The following KCTD10 variants were observed in gnomAD, a reference collection of about 807,000 sequenced individuals.
KCTD10 encodes potassium channel tetramerization domain containing 10.
In KCTD10, 13 loss-of-function variants were observed where a neutral mutation model predicts 34.6. That is an observed-to-expected ratio of 0.38 (90% CI 0.24 to 0.60). The LOEUF is 0.60. Ranked by LOEUF, KCTD10 falls within the 20% of genes least tolerant of loss-of-function variation. KCTD10 has a pLI of 0.66. For synonymous variants in KCTD10, 156 were observed against 168.8 expected, an observed-to-expected ratio of 0.92 and a Z score of 0.59; for missense variants, 256 against 420.3, an observed-to-expected ratio of 0.61 and a Z score of 3.42.
At chr12:109,471,968 C>T (rs1873912130) in intron 1 of KCTD10, among the ~76,000 whole-genome samples, 1 of 152,116 alleles carries the variant, frequency 6.6e-6, no homozygotes, top group African/African-American at 2.4e-5. Flanking sequence ...GTATAGGACA[C>T]TTACCATGAA....
chr12:109,471,194 G>C (rs1456568054), intron 1 of KCTD10: 7 of 985,286 alleles, frequency 7.1e-6, no homozygotes, highest in Non-Finnish European at 8.4e-6. Context: ...AACTATAACT[G>C]GTAAAACACA....
At position 109,463,952 on chromosome 12, in the gene KCTD10, C is replaced by G. The variant is rs1481020190; in HGVS notation, c.218-3147G>C. Among the ~76,000 whole-genome samples the G allele has an allele frequency of 2.0e-5, 3 of 152,164 alleles. No homozygotes were observed. The South Asian group carries it at 6.2e-4, about 32-fold the overall frequency. The stretch of plus-strand genomic sequence containing the variant: ...GTCCAGAGGCAGCAAGTTCCAGCCC[C>G]CAGGATGGAGTTGGTGTTGCTTTCA... On this transcript the variant is annotated intron_variant, in intron 2 of 6. Transcript: ENST00000228495.
In KCTD10 at chr12:109,477,293, C is replaced by A. The variant is rs765172123; in HGVS notation, c.-31G>T. The A allele has an allele frequency of 2.5e-6, 4 of 1,613,630 alleles. No homozygotes were observed. In the African/African-American group the frequency reaches 4.0e-5, roughly 16 times the overall value. On this transcript the variant is annotated 5_prime_UTR_variant, in exon 1 of 7. Coordinates refer to ENST00000228495, the MANE Select transcript of KCTD10 (RefSeq NM_031954.5). The stretch of plus-strand genomic sequence containing the variant: ...GTCGGAGGACGCAGGAGTCTCCAAA[C>A]CCGGACTGAGAGAGGCAGGAAACAC...
intron 1 of KCTD10, among the ~76,000 whole-genome samples, chr12:109,473,630 A>T (rs1202472897): frequency 2.0e-5 from 3 of 152,154 alleles, no homozygotes; most frequent in Non-Finnish European, 4.4e-5. Context: ...ACCTAATAGT[A>T]GGCAAGGCCC....
rs933943781 is a variant in KCTD10 at position 109,458,284 on chromosome 12, G to A, written c.388-206C>T. The A allele has an allele frequency of 7.1e-6, 4 of 560,682 alleles. No individual in the cohort carries two copies. The African/African-American group carries it at 7.5e-5, about 11-fold the overall frequency. The allele number at this position is 560,682 out of a possible 1,614,324, so 34.7% of individuals were successfully genotyped here. ...CTGCTCTTTGGCTATGACCATGATA[G>A]GCCAGGATGCTGAGTAAGTACTAAC... On this transcript the variant is annotated intron_variant, in intron 3 of 6. Coordinates refer to ENST00000228495, the MANE Select transcript of KCTD10 (RefSeq NM_031954.5).
chr12:109,459,355 G>A (rs1873195367), intron 3 of KCTD10: 1 of 152,204 alleles, frequency 6.6e-6, no homozygotes, highest in African/African-American at 2.4e-5. Context: ...CGAGACCCAG[G>A]GGCATGTCTC....
rs775817228 is a variant in KCTD10, at chr12:109,457,973, A to G, written c.474+19T>C. 1 of 1,591,140 alleles carries G rather than the reference A, an allele frequency of 6.3e-7. No individual in the cohort carries two copies. Among genetic ancestry groups the G allele is most frequent in the Non-Finnish European group, 8.6e-7 (1 of 1,159,342 alleles). On this transcript the variant is annotated intron_variant, in intron 4 of 6. Coordinates refer to ENST00000228495, the MANE Select transcript of KCTD10 (RefSeq NM_031954.5). ...TTTCTGGTAGCAAAAGAAATTCCAC[A>G]AGGGTGCCTCCAACATACCTTATTT...
At chr12:109,475,083 G>A (rs1040946645) in intron 1 of KCTD10, among the ~76,000 whole-genome samples, 1 of 152,100 alleles carries the variant, frequency 6.6e-6, no homozygotes, top group African/African-American at 2.4e-5. Context: ...AAAGCATTTG[G>A]CACCTAGTCC....
At chr12:109,471,329 C>T in intron 1 of KCTD10, 2 of 985,514 alleles carry the variant, frequency 2.0e-6, no homozygotes, top group Non-Finnish European at 2.4e-6. Context: ...CTCTCCCCAA[C>T]TCCATGGCAC....
At position 109,451,410 on chromosome 12, in the gene KCTD10, T is replaced by TAC. The variant is rs2135631909; in HGVS notation, c.*183_*184dup. 1 of 582,912 alleles carries TAC rather than the reference T, an allele frequency of 1.7e-6. No homozygotes were observed. The highest frequency in any genetic ancestry group is 3.0e-6 in the Non-Finnish European group (1 of 337,732). 36.1% of individuals were successfully genotyped at this position (582,912 alleles called of 1,614,324 possible). ...ACAGCTTGTTCAACGACAGGGGTCA[T>TAC]ACGCCTGGGTCAAGACAATCAATTT... is the stretch of plus-strand genomic sequence containing the variant. On this transcript the variant is annotated 3_prime_UTR_variant, in exon 7 of 7. Transcript: ENST00000228495. The surrounding 1 kb of genome is among the most constrained non-coding windows in gnomAD (Gnocchi z 5.0).
At chr12:109,472,422 C>G (rs1373143960) in intron 1 of KCTD10, among the ~76,000 whole-genome samples, 1 of 151,976 alleles carries the variant, frequency 6.6e-6, no homozygotes, top group Non-Finnish European at 1.5e-5. Flanking sequence ...GGGACAGTAA[C>G]ACGCATGGAA....
At position 109,460,568 on chromosome 12, in the gene KCTD10, G is replaced by A. The variant is rs11066707; in HGVS notation, c.387+68C>T. 0.013 allele frequency: 19,197 copies of A among 1,491,976 alleles called. 477 individuals are homozygous for A. Among genetic ancestry groups the A allele is most frequent in the Admixed American group, 0.089 (4,756 of 53,152 alleles). The allele number at this position is 1,491,976 out of a possible 1,614,324, so 92.4% of individuals were successfully genotyped here. ...AGAAACTGCCCCCATTTTGCAGAGA[G>A]GGAAAATGAGGAAGGCAGGTAGGCT... On this transcript the variant is annotated intron_variant, in intron 3 of 6. Coordinates refer to ENST00000228495, the MANE Select transcript of KCTD10 (RefSeq NM_031954.5). This position sits in a 1 kb window ranked among gnomAD's most constrained non-coding sequence, Gnocchi z 4.5.
At chr12:109,461,686 G>A (rs1229580923) in intron 2 of KCTD10, among the ~76,000 whole-genome samples, 1 of 152,190 alleles carries the variant, frequency 6.6e-6, no homozygotes, top group East Asian at 1.9e-4. Context: ...CCTAGGAGGA[G>A]GAGGTACCAA....
At chr12:109,474,498 C>T (rs1874051317) in intron 1 of KCTD10, among the ~76,000 whole-genome samples, 2 of 152,070 alleles carry the variant, frequency 1.3e-5, no homozygotes, top group Non-Finnish European at 1.5e-5. Flanking sequence ...CACCTAGGTC[C>T]TACCATGAAA....
chr12:109,457,032 A>G (rs1341572973), intron 5 of KCTD10: 1 of 155,092 alleles, frequency 6.4e-6, no homozygotes, highest in Non-Finnish European at 1.4e-5. Context: ...ATGAATGGGT[A>G]AAGAAAATGT....
At chr12:109,456,493 A>T in intron 5 of KCTD10, 180 bp from the exon 6 acceptor site, 1 of 637,630 alleles carries the variant, frequency 1.6e-6, no homozygotes, top group East Asian at 2.7e-5. Flanking sequence ...AGTGAGGATC[A>T]GAGAAATTAG....
At chr12:109,457,524 C>T in intron 5 of KCTD10, 106 bp downstream of exon 5, 1 of 901,850 alleles carries the variant, frequency 1.1e-6, no homozygotes, top group Non-Finnish European at 1.9e-6. Flanking sequence ...CAGAGAGGTA[C>T]AGAGGGGTCA....
chr12:109,467,223 T>C (rs7299041), intron 2 of KCTD10, among the ~76,000 whole-genome samples: 1 of 152,152 alleles, frequency 6.6e-6, no homozygotes, highest in African/African-American at 2.4e-5. Context: ...TCTAGTCCCA[T>C]CAGCTTTTGA....
At chr12:109,469,788 T>C (rs770303268) in intron 1 of KCTD10, 60 bp from the exon 2 acceptor site, 3 of 1,595,354 alleles carry the variant, frequency 1.9e-6, no homozygotes, top group Non-Finnish European at 2.6e-6. Context: ...TTTCAGCCTG[T>C]GGATTCAATC....
Sources: gnomAD v4.1 joint callset for allele counts (sites outside exome capture counted in the v4.1 genomes callset) on GRCh38, gnomAD v4.1.1 for gene constraint, Gnocchi (gnomAD v3.1) non-coding constraint, MANE v1.5 for transcripts, NCBI Gene and HGNC (gene_info 2026-07-23, HGNC 2026-07-21) for gene names.